APBB1IP: variants seen among roughly 807,000 people sequenced by gnomAD.
APBB1IP encodes the protein amyloid beta A4 precursor protein-binding family B member 1-interacting protein.
APBB1IP carries 27 observed loss-of-function variants against 64.9 expected under a neutral mutation model. The observed-to-expected ratio is 0.42, with a 90% confidence interval of 0.31 to 0.57. The LOEUF (loss-of-function observed/expected upper bound fraction) is 0.57. Ranked by LOEUF, APBB1IP falls within the 20% of genes least tolerant of loss-of-function variation. The pLI, the probability that APBB1IP is intolerant of heterozygous loss-of-function variation, is 0.20. For synonymous variants in APBB1IP, 392 were observed against 331.0 expected, an observed-to-expected ratio of 1.18 and a Z score of -2.00; for missense variants, 812 against 845.5, an observed-to-expected ratio of 0.96 and a Z score of 0.49.
chr10:26,499,369 T>C (rs1442259906), intron 4 of APBB1IP, among the ~76,000 whole-genome samples: 2 of 152,022 alleles, frequency 1.3e-5, no homozygotes, highest in African/African-American at 2.4e-5. Flanking sequence ...TAAAATAAAC[T>C]GTTTTTACAC....
intron 11 of APBB1IP, among the ~76,000 whole-genome samples, chr10:26,546,061 A>G (rs1836761912): frequency 6.6e-6 from 1 of 152,228 alleles, no homozygotes. Context: ...GTCCTGTCAG[A>G]AAGATTGGCG....
Position 26,533,519 on chromosome 10 carries a change from A to G in APBB1IP, c.894A>G (p.Leu298=), listed in dbSNP as rs751907974. The change falls in exon 9 of 15, where the codon TTA becomes TTG. Residue 298 remains leucine, a synonymous_variant. Coordinates refer to ENST00000376236, the MANE Select transcript of APBB1IP (RefSeq NM_019043.4). ...EKMNAKNKES[L]LEESFCGTSI... ...TGAATGCTAAGAACAAGGAATCCTT[A>G]CTTGAGGTAAGGTTAATTTTGCAGA... 1 of 1,597,952 alleles carries G rather than the reference A, an allele frequency of 6.3e-7. No homozygotes were observed. The highest frequency in any genetic ancestry group is 1.1e-5 in the South Asian group (1 of 87,640).
At chr10:26,505,031 C>T (rs757634137) in intron 6 of APBB1IP, among the ~76,000 whole-genome samples, 1 of 152,202 alleles carries the variant, frequency 6.6e-6, no homozygotes, top group African/African-American at 2.4e-5. Context: ...GGTGGGATTA[C>T]AGGTGTGAGC....
intron 6 of APBB1IP, among the ~76,000 whole-genome samples, chr10:26,510,999 A>G (rs1183318289): frequency 2.6e-5 from 4 of 152,068 alleles, no homozygotes; most frequent in Non-Finnish European, 5.9e-5. Context: ...CTTGGGTTGC[A>G]TGAAATGGGA....
At position 26,567,158 on chromosome 10, in the gene APBB1IP, G is replaced by A. The variant is rs1213641166; in HGVS notation, c.1671G>A (p.Pro557=). Reference sequence around the variant, plus strand: ...CACCCGACGACTTCCTGCCGCCGCCGCCACCGCCGCCGCCCCTCGATGACC... The same window carrying A: ...CACCCGACGACTTCCTGCCGCCGCCACCACCGCCGCCGCCCCTCGATGACC... ...PAPPDDFLPP[P]PPPPPLDDPE... is the part of the protein sequence containing the mutation. The change falls in exon 15 of 15, where the codon CCG becomes CCA. Residue 557 remains proline (P), a synonymous_variant. Coordinates refer to ENST00000376236, the MANE Select transcript of APBB1IP (RefSeq NM_019043.4). 2.8e-6 allele frequency: 4 copies of A among 1,411,294 alleles called. No homozygotes were observed. Among genetic ancestry groups the A allele is most frequent in the African/African-American group, 3.1e-5 (2 of 64,950 alleles). 87.4% of individuals were successfully genotyped at this position (1,411,294 alleles called of 1,614,324 possible).
chr10:26,536,579 A>G (rs1429230972), intron 10 of APBB1IP, among the ~76,000 whole-genome samples: 2 of 146,616 alleles, frequency 1.4e-5, no homozygotes, highest in Non-Finnish European at 3.0e-5. Flanking sequence ...GGAAATCTTG[A>G]TAAGATTTTC....
chr10:26,556,798 G>T (rs1836900128), intron 11 of APBB1IP, among the ~76,000 whole-genome samples: 1 of 152,184 alleles, frequency 6.6e-6, no homozygotes, highest in South Asian at 2.1e-4. Flanking sequence ...TGAGTGGGGG[G>T]TGGGTGGAAT....
intron 2 of APBB1IP, among the ~76,000 whole-genome samples, chr10:26,454,072 G>A (rs1835494773): frequency 6.6e-6 from 1 of 152,180 alleles, no homozygotes. Context: ...GGATGGAACT[G>A]GAGGTCATTA....
At chr10:26,551,391 G>A (rs1453742368) in intron 11 of APBB1IP, among the ~76,000 whole-genome samples, 1 of 152,182 alleles carries the variant, frequency 6.6e-6, no homozygotes, top group East Asian at 1.9e-4. Flanking sequence ...ATAGTCAGGG[G>A]AAACCATCCC....
chr10:26,515,160 T>A (rs1836310965), intron 8 of APBB1IP, among the ~76,000 whole-genome samples: 1 of 151,688 alleles, frequency 6.6e-6, no homozygotes, highest in Non-Finnish European at 1.5e-5. Flanking sequence ...GGATTCCAGG[T>A]GTGAGCCACT....
In APBB1IP at chr10:26,464,056, G is replaced by T. The variant is rs76844646; in HGVS notation, c.-1+25203G>T. Among the ~76,000 whole-genome samples the T allele has an allele frequency of 6.1e-3, 932 of 152,224 alleles. 9 individuals are homozygous for T. Among genetic ancestry groups the T allele is most frequent in the African/African-American group, 0.02 (842 of 41,510 alleles). ...GGATTCCCATCCTTGCTGACCTGGA[G>T]CTTGGGTGTCTGTCTTGGCTCTGTC... On this transcript the variant is annotated intron_variant, in intron 2 of 14. Coordinates refer to ENST00000376236, the MANE Select transcript of APBB1IP (RefSeq NM_019043.4).
Position 26,524,603 on chromosome 10 carries a change from T to G in APBB1IP, c.814-8836T>G, listed in dbSNP as rs182021471. Among the ~76,000 whole-genome samples, 35 of 152,310 alleles carry G rather than the reference T, an allele frequency of 2.3e-4. No individual in the cohort carries two copies. In the East Asian group the frequency reaches 6.0e-3, roughly 26 times the overall value. Reference sequence around the variant, plus strand: ...ATCATAAATCAATATGTGGAAGGTATGCATTGGTTCCCAAAAAGGCAGGGC... The same window carrying G: ...ATCATAAATCAATATGTGGAAGGTAGGCATTGGTTCCCAAAAAGGCAGGGC... On this transcript the variant is annotated intron_variant, in intron 8 of 14. Transcript: ENST00000376236.
rs1247142091 is a variant in APBB1IP, at chr10:26,531,121, G to A, written c.814-2318G>A. On this transcript the variant is annotated intron_variant, in intron 8 of 14. Transcript: ENST00000376236. ...TAATCCTAGCACTTTGGGAGGCTGA[G>A]GGGGGCAGTTTGAGACCAGCCTGGC... 6.6e-5 allele frequency among the ~76,000 whole-genome samples: 10 copies of A among 152,176 alleles called. No individual in the cohort carries two copies. The South Asian group carries it at 1.9e-3, about 28-fold the overall frequency.
At chr10:26,451,045 G>A (rs1365837019) in intron 2 of APBB1IP, among the ~76,000 whole-genome samples, 1 of 152,042 alleles carries the variant, frequency 6.6e-6, no homozygotes, top group Non-Finnish European at 1.5e-5. Flanking sequence ...TGTGAAAAGT[G>A]TTAACTATTA....
rs1293723121 is a variant in APBB1IP, at chr10:26,500,808, T to C, written c.161-11T>C. On this transcript the variant is annotated splice_polypyrimidine_tract_variant and intron_variant, in intron 4 of 14. Transcript: ENST00000376236. ...AGGTTTTTATACCATTAATGTGATT[T>C]TCCCTACTAGAGTCCTTAAATGCAC... 6.3e-7 allele frequency: 1 copy of C among 1,596,832 alleles called. No homozygotes were observed.
chr10:26,524,956 T>TTTC (rs149863500), intron 8 of APBB1IP, among the ~76,000 whole-genome samples: 16 of 22,632 alleles, frequency 7.1e-4, no homozygotes, highest in Non-Finnish European at 1.1e-3. Flanking sequence ...TCTTTCTTTC[T>TTTC]TTTTTTTTTT....
chr10:26,566,482 T>A (rs999982810), intron 14 of APBB1IP, among the ~76,000 whole-genome samples: 1 of 152,220 alleles, frequency 6.6e-6, no homozygotes, highest in African/African-American at 2.4e-5. Flanking sequence ...CTTGAACTCC[T>A]GGACTTAAGT....
At chr10:26,466,596 G>A (rs1474625160) in intron 2 of APBB1IP, among the ~76,000 whole-genome samples, 2 of 152,054 alleles carry the variant, frequency 1.3e-5, no homozygotes, top group African/African-American at 4.8e-5. Context: ...AGGCCAGGAG[G>A]TCAAGACCAG....
At chr10:26,555,149 A>T (rs558721121) in intron 11 of APBB1IP, among the ~76,000 whole-genome samples, 1 of 151,984 alleles carries the variant, frequency 6.6e-6, no homozygotes, top group Admixed American at 6.5e-5. Context: ...TCCCATCAAG[A>T]TCTCCCATTG....
Sources: allele counts gnomAD v4.1 joint callset (sites outside exome capture counted in the v4.1 genomes callset), GRCh38; gene constraint gnomAD v4.1.1; transcripts MANE v1.5; gene names NCBI Gene and HGNC (gene_info 2026-07-23, HGNC 2026-07-21).